Variants in ARFIP1 observed in about 807,000 individuals in gnomAD.
ARFIP1 encodes ARF interacting protein 1, also known as arfaptin-1.
Under a neutral mutation model 42.5 loss-of-function variants are expected in ARFIP1, and 24 were observed. That is an observed-to-expected ratio of 0.57 (90% CI 0.41 to 0.80). The LOEUF (loss-of-function observed/expected upper bound fraction) is 0.80, where lower values mean the gene tolerates loss of function less well. Among genes scored for constraint, ARFIP1 ranks in the 30% least tolerant of loss-of-function variants. The pLI is 0.00. For missense variants in ARFIP1, 354 were observed against 434.0 expected, an observed-to-expected ratio of 0.82 and a Z score of 1.64; for synonymous variants, 141 against 153.7, an observed-to-expected ratio of 0.92 and a Z score of 0.61.
chr4:152,809,854 C>T (rs1578845723), intron 1 of ARFIP1: 1 of 152,338 alleles, frequency 6.6e-6, no homozygotes, highest in East Asian at 1.9e-4. Flanking sequence ...TGCACTCTTT[C>T]TGTTAGCACT....
At chr4:152,855,000 C>T (rs1449379671) in intron 2 of ARFIP1, among the ~76,000 whole-genome samples, 1 of 152,184 alleles carries the variant, frequency 6.6e-6, no homozygotes, top group East Asian at 1.9e-4. Context: ...GGTTCTTGGA[C>T]CTCTAGGCAG....
intron 2 of ARFIP1, among the ~76,000 whole-genome samples, chr4:152,859,661 A>G (rs1733721431): frequency 6.6e-6 from 1 of 151,842 alleles, no homozygotes; most frequent in Non-Finnish European, 1.5e-5. Flanking sequence ...CTTTTCTTGC[A>G]TTTTTTGGTT....
At position 152,797,392 on chromosome 4, in the gene ARFIP1, G is replaced by A. The variant is rs571265182; in HGVS notation, c.-10+17166G>A. The stretch of plus-strand genomic sequence containing the variant: ...TTTGGTGTTGTAGTGTTTGATAGAG[G>A]TGGTCTCCTTGTGGTTTTCCTTTTT... On this transcript the variant is annotated intron_variant, in intron 1 of 8. Coordinates refer to ENST00000353617, the MANE Select transcript of ARFIP1 (RefSeq NM_001025595.3). Among the ~76,000 whole-genome samples the A allele has an allele frequency of 9.9e-5, 15 of 152,112 alleles. 1 individual carries two copies. The South Asian group carries it at 3.1e-3, about 32-fold the overall frequency.
intron 1 of ARFIP1, among the ~76,000 whole-genome samples, chr4:152,808,114 GGGATTACA>G (rs979185783): frequency 2.0e-5 from 3 of 151,898 alleles, no homozygotes; most frequent in Non-Finnish European, 2.9e-5. Flanking sequence ...CCAAGTAAAT[GGGATTACA>G]GGCATGCGCC....
intron 1 of ARFIP1, among the ~76,000 whole-genome samples, chr4:152,819,283 T>A (rs1730162690): frequency 2.6e-5 from 4 of 152,172 alleles, no homozygotes; most frequent in Admixed American, 2.0e-4. Context: ...TGACCTCAAC[T>A]ATTGCCATCG....
At chr4:152,802,832 C>A (rs1171121978) in intron 1 of ARFIP1, among the ~76,000 whole-genome samples, 3 of 152,124 alleles carry the variant, frequency 2.0e-5, no homozygotes, top group Admixed American at 2.0e-4. Context: ...CTTTGGATGA[C>A]TCTTATTTTC....
chr4:152,782,967 C>T (rs1730589913), intron 1 of ARFIP1, among the ~76,000 whole-genome samples: 1 of 152,022 alleles, frequency 6.6e-6, no homozygotes, highest in Non-Finnish European at 1.5e-5. Context: ...ATAAGTTTTC[C>T]TCTGTCTAGC....
At chr4:152,887,341 A>G (rs1342452070) in intron 7 of ARFIP1, among the ~76,000 whole-genome samples, 2 of 152,042 alleles carry the variant, frequency 1.3e-5, no homozygotes, top group Non-Finnish European at 2.9e-5. Flanking sequence ...TAAGTGCTCT[A>G]CAATAGATAC....
At chr4:152,842,252 A>G (rs1049707782) in intron 2 of ARFIP1, among the ~76,000 whole-genome samples, 3 of 151,632 alleles carry the variant, frequency 2.0e-5, no homozygotes, top group Non-Finnish European at 4.4e-5. Flanking sequence ...CAAGCATTCG[A>G]GCCAGCAATG....
intron 2 of ARFIP1, among the ~76,000 whole-genome samples, 194 bp downstream of exon 2, chr4:152,829,920 A>G (rs985763212): frequency 2.0e-5 from 3 of 152,102 alleles, no homozygotes; most frequent in Admixed American, 2.0e-4. Flanking sequence ...CAGGCCAGTA[A>G]ACTATTAGGC....
At chr4:152,850,215 T>A (rs938983554) in intron 2 of ARFIP1, among the ~76,000 whole-genome samples, 1 of 152,224 alleles carries the variant, frequency 6.6e-6, no homozygotes, top group Non-Finnish European at 1.5e-5. Flanking sequence ...CTACCTACCA[T>A]AACATTAGTG....
At chr4:152,904,606 T>C (rs1738150046) in intron 8 of ARFIP1, among the ~76,000 whole-genome samples, 2 of 152,070 alleles carry the variant, frequency 1.3e-5, no homozygotes, top group African/African-American at 2.4e-5. Context: ...AGTCCATGTG[T>C]TCTCATTGTT....
chr4:152,882,899 C>T lies in ARFIP1; in HGVS notation c.791+19C>T. On this transcript the variant is annotated intron_variant, in intron 7 of 8. Transcript: ENST00000353617. ...GTGCCAGGTAAGGTATACATTTTCA[C>T]TGTGTTGTCTGTTTTACAGATGGCA... is the stretch of plus-strand genomic sequence containing the variant. 2.5e-6 allele frequency: 4 copies of T among 1,587,532 alleles called. No individual in the cohort carries two copies. The highest frequency in any genetic ancestry group is 2.6e-6 in the Non-Finnish European group (3 of 1,169,398).
At chr4:152,884,049 G>A (rs1016381191) in intron 7 of ARFIP1, among the ~76,000 whole-genome samples, 1 of 151,892 alleles carries the variant, frequency 6.6e-6, no homozygotes, top group Non-Finnish European at 1.5e-5. Flanking sequence ...CTTCAATTAA[G>A]TAAAAGCCCA....
Position 152,846,380 on chromosome 4 carries a change from C to T in ARFIP1, c.93+16654C>T, listed in dbSNP as rs915547023. Among the ~76,000 whole-genome samples, 15 of 152,218 alleles carry T rather than the reference C, an allele frequency of 9.9e-5. No individual in the cohort carries two copies. The South Asian group carries it at 2.9e-3, about 29-fold the overall frequency. ...AAAGTTGAAATTAAACGCACACACA[C>T]GCACACACACACACAAAGAGCATAT... On this transcript the variant is annotated intron_variant, in intron 2 of 8. Coordinates refer to ENST00000353617, the MANE Select transcript of ARFIP1 (RefSeq NM_001025595.3).
intron 2 of ARFIP1, chr4:152,850,569 A>G (rs1339328756): frequency 1.3e-5 from 2 of 152,198 alleles, no homozygotes; most frequent in Non-Finnish European, 2.9e-5. Context: ...ACAGTTCCTC[A>G]AAATAGACTA....
Position 152,863,611 on chromosome 4 carries a change from G to A in ARFIP1, c.99G>A (p.Leu33=). The part of the protein sequence containing the change: ...DSREHSFNRD[L]KHSLPSGLGL... ...TTTATTTAAATCTTGCTAAGGATTT[G>A]AAGCATTCATTACCATCTGGACTTG... The change falls in exon 3 of 9, where the codon TTG becomes TTA. Residue 33 remains leucine, a synonymous_variant. Transcript: ENST00000353617. 1 of 1,580,426 alleles carries A rather than the reference G, an allele frequency of 6.3e-7. No individual in the cohort carries two copies. Among genetic ancestry groups the A allele is most frequent in the Non-Finnish European group, 8.7e-7 (1 of 1,151,160 alleles).
intron 8 of ARFIP1, among the ~76,000 whole-genome samples, chr4:152,905,893 C>G (rs1738322140): frequency 6.6e-6 from 1 of 152,018 alleles, no homozygotes; most frequent in African/African-American, 2.4e-5. Context: ...TCTTTGATAC[C>G]TGTTTTGCAA....
intron 8 of ARFIP1, among the ~76,000 whole-genome samples, chr4:152,905,990 A>G (rs1245430439): frequency 1.3e-5 from 2 of 152,076 alleles, no homozygotes; most frequent in African/African-American, 2.4e-5. Context: ...GATGTTTTTC[A>G]TTTATAATTT....
Sources: gnomAD v4.1 joint callset for allele counts (sites outside exome capture counted in the v4.1 genomes callset) on GRCh38, gnomAD v4.1.1 for gene constraint, MANE v1.5 for transcripts, NCBI Gene and HGNC (gene_info 2026-07-23, HGNC 2026-07-21) for gene names.